MAST4: variants seen among roughly 807,000 people sequenced by gnomAD.
MAST4 encodes microtubule-associated serine/threonine-protein kinase 4.
In MAST4, 89 loss-of-function variants were observed where a neutral mutation model predicts 162.7. That is an observed-to-expected ratio of 0.55 (90% CI 0.46 to 0.65). The LOEUF is 0.65. MAST4 is among the 30% of genes least tolerant of loss of function. The pLI is 0.00. For synonymous variants in MAST4, 1,479 were observed against 1,361.1 expected (o/e 1.09, Z -1.91); for missense variants, 3,153 against 3,374.0 (o/e 0.93, Z 1.62).
At chr5:67,057,643 T>C (rs1759017055) in intron 5 of MAST4, among the ~76,000 whole-genome samples, 1 of 122,768 alleles carries the variant, frequency 8.1e-6, no homozygotes. Flanking sequence ...GCATAGAAAA[T>C]CACAGGCTCT....
Position 67,134,636 on chromosome 5 carries a change from C to T in MAST4, c.2340C>T (p.Cys780=), listed in dbSNP as rs753108324. 5 of 1,613,400 alleles carry T rather than the reference C, an allele frequency of 3.1e-6. No homozygotes were observed. The highest frequency in any genetic ancestry group is 2.2e-5 in the South Asian group (2 of 91,052). ...GIILYEFLVG[C]VPFFGDTPEE... ...TCCTCTATGAATTTCTGGTTGGATG[C>T]GTGCCATTCTTTGGGGATACTCCAG... The change falls in exon 18 of 29, where the codon TGC becomes TGT. Residue 780 remains cysteine, a synonymous_variant. Transcript: ENST00000403625.
chr5:66,631,421 T>A (rs1007784402), intron 1 of MAST4, among the ~76,000 whole-genome samples: 6 of 152,166 alleles, frequency 3.9e-5, no homozygotes, highest in African/African-American at 1.4e-4. Flanking sequence ...TATTTCAAAA[T>A]CTGAATCTCT....
intron 1 of MAST4, among the ~76,000 whole-genome samples, chr5:66,699,254 C>G (rs1266709237): frequency 1.3e-5 from 2 of 152,176 alleles, no homozygotes; most frequent in Non-Finnish European, 2.9e-5. Context: ...TATAGTCACA[C>G]CATCTTATCA....
chr5:67,108,565 A>G (rs1765852775), intron 10 of MAST4, among the ~76,000 whole-genome samples: 1 of 152,186 alleles, frequency 6.6e-6, no homozygotes, highest in Non-Finnish European at 1.5e-5. Flanking sequence ...CCTGGTTACT[A>G]GGACCTGTCG....
At chr5:66,903,093 T>TA (rs1231774594) in intron 4 of MAST4, among the ~76,000 whole-genome samples, 1 of 152,094 alleles carries the variant, frequency 6.6e-6, no homozygotes, top group East Asian at 1.9e-4. Context: ...TTATAAAACT[T>TA]AAAAAATGCA....
chr5:67,153,408 T>C (rs1450918549), intron 25 of MAST4, 50 bp from the exon 26 acceptor site: 1 of 1,567,312 alleles, frequency 6.4e-7, no homozygotes, highest in South Asian at 1.2e-5. Context: ...CAGTAGGTGT[T>C]AGAGTAGTCA....
intron 5 of MAST4, among the ~76,000 whole-genome samples, chr5:67,077,679 T>C (rs1761824725): frequency 6.6e-6 from 1 of 152,208 alleles, no homozygotes; most frequent in Admixed American, 6.5e-5. Flanking sequence ...TGTAGGTTAT[T>C]CAAGCCAATA....
chr5:67,139,055 AG>A (rs1770045573), intron 19 of MAST4, among the ~76,000 whole-genome samples: 1 of 152,320 alleles, frequency 6.6e-6, no homozygotes, highest in East Asian at 1.9e-4. Flanking sequence ...GACAGTTTGA[AG>A]AACAAATCCC....
At chr5:67,032,565 AT>A (rs1254700425) in intron 4 of MAST4, among the ~76,000 whole-genome samples, 4 of 152,198 alleles carry the variant, frequency 2.6e-5, no homozygotes, top group South Asian at 2.1e-4. Context: ...CGCCATTTTT[AT>A]TTTGGGGGAG....
intron 4 of MAST4, among the ~76,000 whole-genome samples, chr5:67,017,185 G>T (rs764718825): frequency 6.6e-6 from 1 of 151,988 alleles, no homozygotes; most frequent in African/African-American, 2.4e-5. Flanking sequence ...ACACACAAAG[G>T]ACACAAATAT....
chr5:66,877,402 A>G (rs1761375826), intron 3 of MAST4, among the ~76,000 whole-genome samples: 1 of 152,212 alleles, frequency 6.6e-6, no homozygotes, highest in African/African-American at 2.4e-5. Context: ...TGTTAGCACC[A>G]TGTTGCAGAT....
chr5:66,691,506 A>G (rs964364567), intron 1 of MAST4, among the ~76,000 whole-genome samples: 3 of 152,194 alleles, frequency 2.0e-5, no homozygotes, highest in Admixed American at 6.5e-5. Flanking sequence ...TCAGGTTCCT[A>G]TAACAGAATA....
At chr5:66,969,392 A>C (rs776644837) in intron 4 of MAST4, among the ~76,000 whole-genome samples, 2 of 152,180 alleles carry the variant, frequency 1.3e-5, no homozygotes, top group African/African-American at 2.4e-5. Context: ...AACTTCTTGA[A>C]CGCTCATTGT....
intron 4 of MAST4, among the ~76,000 whole-genome samples, chr5:66,905,723 G>T (rs1342901625): frequency 6.6e-6 from 1 of 152,158 alleles, no homozygotes; most frequent in Non-Finnish European, 1.5e-5. Context: ...CATTGGTTTG[G>T]TCTGGAAAGG....
intron 11 of MAST4, among the ~76,000 whole-genome samples, chr5:67,113,313 CAA>C (rs34018550): frequency 1.6e-3 from 106 of 67,376 alleles, no homozygotes; most frequent in South Asian, 6.2e-3. Flanking sequence ...GACTCCGTCT[CAA>C]AAAAAAAAAA....
intron 4 of MAST4, among the ~76,000 whole-genome samples, chr5:66,963,095 T>C (rs1300369887): frequency 6.6e-6 from 1 of 152,130 alleles, no homozygotes; most frequent in Non-Finnish European, 1.5e-5. Context: ...AATGGTTCAT[T>C]GACAGTTGGA....
At chr5:66,772,792 C>T (rs771031984) in intron 2 of MAST4, among the ~76,000 whole-genome samples, 2 of 152,160 alleles carry the variant, frequency 1.3e-5, no homozygotes, top group Admixed American at 6.5e-5. Context: ...TTAGATTCTT[C>T]ATCTGTAAAG....
At chr5:66,813,365 T>C (rs1460064857) in intron 3 of MAST4, among the ~76,000 whole-genome samples, 1 of 152,116 alleles carries the variant, frequency 6.6e-6, no homozygotes, top group African/African-American at 2.4e-5. Context: ...TATTGGAGAG[T>C]AAAACCAGAC....
intron 1 of MAST4, among the ~76,000 whole-genome samples, chr5:66,759,264 A>G (rs906314681): frequency 3.1e-4 from 47 of 152,246 alleles, no homozygotes; most frequent in Non-Finnish European, 1.0e-4. Flanking sequence ...CAGAGCGACA[A>G]TCTTCAATTT....
Sources: gnomAD v4.1 joint callset for allele counts (sites outside exome capture counted in the v4.1 genomes callset) on GRCh38, gnomAD v4.1.1 for gene constraint, MANE v1.5 for transcripts, NCBI Gene and HGNC (gene_info 2026-07-23, HGNC 2026-07-21) for gene names.